The following FSIP1 variants were observed in gnomAD, a reference collection of about 807,000 sequenced individuals.
FSIP1 encodes fibrous sheath-interacting protein 1.
FSIP1 carries 65 observed loss-of-function variants against 60.9 expected under a neutral mutation model. The observed-to-expected ratio is 1.07, with a 90% CI of 0.87 to 1.31. The LOEUF (loss-of-function observed/expected upper bound fraction) is 1.31. Ranked by LOEUF, FSIP1 falls within the 40% of genes most tolerant of loss-of-function variation. The probability of loss-of-function intolerance (pLI) is 0.00; values close to 1 mark genes in which losing one functional copy is unlikely to be tolerated. For synonymous variants in FSIP1, 209 were observed against 221.2 expected, an observed-to-expected ratio of 0.94 and a Z score of 0.49; for missense variants, 675 against 665.5, an observed-to-expected ratio of 1.01 and a Z score of -0.16.
At chr15:39,726,478 T>C in intron 9 of FSIP1, 111 bp downstream of exon 9, 1 of 1,078,284 alleles carries the variant, frequency 9.3e-7, no homozygotes. Flanking sequence ...ATACACACTG[T>C]TATGAAACTA....
At chr15:39,678,525 A>T (rs12912555) in intron 10 of FSIP1, among the ~76,000 whole-genome samples, 2 of 152,318 alleles carry the variant, frequency 1.3e-5, no homozygotes, top group African/African-American at 4.8e-5. Context: ...ATATAAAAAC[A>T]TTCGTATTTA....
intron 8 of FSIP1, among the ~76,000 whole-genome samples, chr15:39,731,316 T>C (rs545222088): frequency 3.4e-4 from 51 of 152,208 alleles, no homozygotes; most frequent in South Asian, 1.7e-3. Context: ...AAGAAAGTTA[T>C]GCATAATTTT....
In FSIP1 at chr15:39,637,071, T is replaced by A. The variant is rs118046443; in HGVS notation, c.1189-18826A>T. Among the ~76,000 whole-genome samples the A allele has an allele frequency of 3.2e-4, 48 of 152,278 alleles. No individual in the cohort carries two copies. In the East Asian group the frequency reaches 5.4e-3, roughly 17 times the overall value. On this transcript the variant is annotated intron_variant, in intron 10 of 11. Coordinates refer to ENST00000350221, the MANE Select transcript of FSIP1 (RefSeq NM_152597.5). The stretch of plus-strand genomic sequence containing the variant: ...CTCATTCTAGAAGTTCACAGATGAT[T>A]TATTTGCTAATTTTCCACCAAATGT...
intron 5 of FSIP1, among the ~76,000 whole-genome samples, chr15:39,759,927 T>C (rs1280641683): frequency 1.3e-5 from 2 of 152,166 alleles, no homozygotes; most frequent in African/African-American, 4.8e-5. Context: ...GCAAAGACCC[T>C]TTTTCCAAAT....
At chr15:39,607,185 C>T (rs1412922706) in intron 11 of FSIP1, among the ~76,000 whole-genome samples, 1 of 152,186 alleles carries the variant, frequency 6.6e-6, no homozygotes, top group Admixed American at 6.5e-5. Context: ...CCCACCTGAC[C>T]CTGCTCCCCA....
intron 5 of FSIP1, among the ~76,000 whole-genome samples, chr15:39,756,854 G>A (rs966913535): frequency 6.6e-6 from 1 of 151,980 alleles, no homozygotes; most frequent in African/African-American, 2.4e-5. Flanking sequence ...TGCAGCTCCA[G>A]CTTTCACATC....
chr15:39,727,207 T>C (rs141944580), intron 8 of FSIP1, among the ~76,000 whole-genome samples: 1 of 152,356 alleles, frequency 6.6e-6, no homozygotes, highest in African/African-American at 2.4e-5. Context: ...TTCATTCAAC[T>C]AATGTTTGTT....
intron 10 of FSIP1, among the ~76,000 whole-genome samples, chr15:39,698,504 A>G (rs1894917237): frequency 6.6e-6 from 1 of 152,138 alleles, no homozygotes; most frequent in South Asian, 2.1e-4. Flanking sequence ...ACACTCGGTA[A>G]AACACCTGCC....
intron 5 of FSIP1, among the ~76,000 whole-genome samples, chr15:39,752,564 A>G (rs1252100048): frequency 6.6e-6 from 1 of 152,070 alleles, no homozygotes; most frequent in Non-Finnish European, 1.5e-5. Context: ...CAGTCTAATC[A>G]TGAGAAAAGC....
At chr15:39,625,514 T>C (rs1357379755) in intron 10 of FSIP1, among the ~76,000 whole-genome samples, 1 of 152,178 alleles carries the variant, frequency 6.6e-6, no homozygotes, top group East Asian at 1.9e-4. Context: ...AATGGACTCT[T>C]ATGTTTTCAT....
chr15:39,634,773 T>C (rs918472521), intron 10 of FSIP1, among the ~76,000 whole-genome samples: 30 of 152,192 alleles, frequency 2.0e-4, no homozygotes, highest in Admixed American at 2.0e-3. Context: ...TTCACTGTCA[T>C]GCGGACGCCA....
intron 10 of FSIP1, among the ~76,000 whole-genome samples, chr15:39,629,703 C>A (rs374599132): frequency 3.3e-5 from 5 of 152,358 alleles, no homozygotes; most frequent in African/African-American, 1.2e-4. Context: ...GTACAACTCT[C>A]TCAAGGAACA....
At chr15:39,669,251 C>T (rs6492911) in intron 10 of FSIP1, among the ~76,000 whole-genome samples, 83,104 of 152,076 alleles carry the variant, frequency 0.55, 24,978 homozygotes, top group Non-Finnish European at 0.69. Flanking sequence ...CTACACAGGC[C>T]GCCACTGACT....
chr15:39,770,803 AT>A (rs1255907098), intron 2 of FSIP1, among the ~76,000 whole-genome samples, 193 bp from the exon 3 acceptor site: 3 of 152,194 alleles, frequency 2.0e-5, no homozygotes, highest in African/African-American at 7.2e-5. Flanking sequence ...ATGTAATAAC[AT>A]TTGCACCATT....
chr15:39,678,034 A>T (rs1348110906), intron 10 of FSIP1, among the ~76,000 whole-genome samples: 2 of 151,992 alleles, frequency 1.3e-5, no homozygotes, highest in Non-Finnish European at 1.5e-5. Context: ...ATAATTATTG[A>T]CAAGGAAAAT....
intron 10 of FSIP1, among the ~76,000 whole-genome samples, chr15:39,663,217 C>A (rs1036845563): frequency 6.6e-6 from 1 of 152,028 alleles, no homozygotes; most frequent in East Asian, 1.9e-4. Context: ...TACTTGAAAA[C>A]GAGTAGCGCA....
chr15:39,713,458 T>A lies in FSIP1; in HGVS notation c.1174A>T (p.Met392Leu). Reference protein sequence around the residue: ...LREIDEKLKMMKENVLESTSC... With the variant: ...LREIDEKLKMLKENVLESTSC... The stretch of plus-strand genomic sequence containing the variant: ...AAAAGACTTACCACATTTTCCTTCA[T>A]CATTTTCAGCTTTTCATCAATCTCT... Residue 392 changes from methionine to leucine, a missense_variant, in exon 10 of 12, where the codon ATG becomes TTG. Met to Leu is a conservative substitution (Grantham distance 15). Transcript: ENST00000350221. The A allele has an allele frequency of 6.3e-7, 1 of 1,592,878 alleles. No individual in the cohort carries two copies. Among genetic ancestry groups the A allele is most frequent in the Non-Finnish European group, 8.5e-7 (1 of 1,173,392 alleles).
intron 10 of FSIP1, among the ~76,000 whole-genome samples, chr15:39,658,284 T>C (rs1893151856): frequency 6.9e-6 from 1 of 144,872 alleles, no homozygotes; most frequent in Non-Finnish European, 1.5e-5. Context: ...AGATGGAGTC[T>C]CGCTGTCACC....
chr15:39,674,588 C>A (rs1450419607), intron 10 of FSIP1, among the ~76,000 whole-genome samples: 1 of 151,004 alleles, frequency 6.6e-6, no homozygotes, highest in Non-Finnish European at 1.5e-5. Context: ...AAAAAAAAAT[C>A]CCACACATAT....
Sources: allele counts gnomAD v4.1 joint callset (sites outside exome capture counted in the v4.1 genomes callset), GRCh38; gene constraint gnomAD v4.1.1; transcripts MANE v1.5; gene names NCBI Gene and HGNC (gene_info 2026-07-23, HGNC 2026-07-21).